The following AFAP1 variants were observed in gnomAD, a reference collection of about 807,000 sequenced individuals.
The protein encoded by AFAP1 is actin filament-associated protein 1.
In AFAP1, 75 loss-of-function variants were observed where a neutral mutation model predicts 93.9. The ratio of observed to expected loss-of-function variants is 0.80; its 90% CI spans 0.66 to 0.97. The LOEUF (loss-of-function observed/expected upper bound fraction) is 0.97. Ranked by LOEUF, AFAP1 falls within the 50% of genes least tolerant of loss-of-function variation. AFAP1 has a pLI of 0.00. For missense variants in AFAP1, 1,201 were observed against 1,050.8 expected, an observed-to-expected ratio of 1.14 and a Z score of -1.98; for synonymous variants, 517 against 430.7, an observed-to-expected ratio of 1.20 and a Z score of -2.48.
At chr4:7,853,972 G>C (rs1386055200) in intron 4 of AFAP1, among the ~76,000 whole-genome samples, 1 of 152,202 alleles carries the variant, frequency 6.6e-6, no homozygotes, top group Non-Finnish European at 1.5e-5. Context: ...TGACCTGCCA[G>C]CTACGTGCAG....
chr4:7,808,485 GTCA>G (rs2149047984), intron 9 of AFAP1, among the ~76,000 whole-genome samples: 1 of 144,600 alleles, frequency 6.9e-6, no homozygotes, highest in South Asian at 2.1e-4. Context: ...GGCTGTTGTG[GTCA>G]CCAAAAGGTA....
chr4:7,841,278 G>T (rs1712977524), intron 5 of AFAP1, among the ~76,000 whole-genome samples: 2 of 140,326 alleles, frequency 1.4e-5, no homozygotes, highest in South Asian at 2.3e-4. Context: ...CAGCTGCCCA[G>T]TGAGTCTGGG....
chr4:7,792,656 C>T (rs1022517295), intron 11 of AFAP1, among the ~76,000 whole-genome samples: 1 of 152,110 alleles, frequency 6.6e-6, no homozygotes, highest in Non-Finnish European at 1.5e-5. Flanking sequence ...CTGAGCTGTT[C>T]CTCAACAGGA....
chr4:7,845,855 G>A (rs1279157315), intron 4 of AFAP1, among the ~76,000 whole-genome samples: 1 of 149,296 alleles, frequency 6.7e-6, no homozygotes, highest in African/African-American at 2.5e-5. Context: ...TCCCCCTGCT[G>A]CCAAAGCTCT....
chr4:7,805,839 A>G (rs756441669), intron 9 of AFAP1, among the ~76,000 whole-genome samples: 28 of 152,234 alleles, frequency 1.8e-4, no homozygotes, highest in Non-Finnish European at 3.2e-4. Flanking sequence ...TGAACTGGCA[A>G]CAAAGGAGGC....
chr4:7,921,270 G>C (rs953244731), intron 1 of AFAP1, among the ~76,000 whole-genome samples: 1 of 139,272 alleles, frequency 7.2e-6, no homozygotes, highest in Non-Finnish European at 1.5e-5. Flanking sequence ...TGCAGCCTCT[G>C]CCTCCCAGGT....
At chr4:7,894,094 T>C (rs575268281) in intron 1 of AFAP1, among the ~76,000 whole-genome samples, 64 of 152,240 alleles carry the variant, frequency 4.2e-4, no homozygotes, top group African/African-American at 1.3e-3. Context: ...TTCAAAAATA[T>C]CTGAAATGAC....
chr4:7,887,195 G>C (rs73210880), intron 1 of AFAP1, among the ~76,000 whole-genome samples: 4,515 of 152,218 alleles, frequency 0.03, 105 homozygotes, highest in Non-Finnish European at 0.043. Flanking sequence ...AGAATGATAG[G>C]AACAGGAGAA....
intron 1 of AFAP1, among the ~76,000 whole-genome samples, chr4:7,925,085 C>A (rs557310029): frequency 2.6e-5 from 4 of 152,134 alleles, no homozygotes; most frequent in Non-Finnish European, 5.9e-5. Context: ...ATGCAAGTGA[C>A]GACACCGACT....
chr4:7,786,354 T>C (rs561495407), intron 11 of AFAP1, 43 bp from the exon 12 acceptor site: 2 of 1,496,646 alleles, frequency 1.3e-6, no homozygotes, highest in African/African-American at 1.4e-5. Flanking sequence ...CCTGACCACC[T>C]TTTACTCCAA....
intron 1 of AFAP1, among the ~76,000 whole-genome samples, chr4:7,881,771 A>C: frequency 7.1e-6 from 1 of 141,562 alleles, no homozygotes; most frequent in Non-Finnish European, 1.6e-5. Context: ...ACAGAGTGAG[A>C]CTCCATCTCA....
chr4:7,903,829 G>A (rs902725757), intron 1 of AFAP1, among the ~76,000 whole-genome samples: 5 of 152,154 alleles, frequency 3.3e-5, no homozygotes, highest in South Asian at 2.1e-4. Context: ...GGAGGCGGGC[G>A]GGCAGCATCA....
chr4:7,838,753 A>G (rs758900702), intron 5 of AFAP1, 50 bp from the exon 6 acceptor site: 4 of 1,589,344 alleles, frequency 2.5e-6, no homozygotes, highest in Non-Finnish European at 8.6e-7. Context: ...GTTCGAACAG[A>G]AACACTGAGG....
At chr4:7,847,325 A>C (rs1713824219) in intron 4 of AFAP1, among the ~76,000 whole-genome samples, 1 of 152,028 alleles carries the variant, frequency 6.6e-6, no homozygotes, top group Admixed American at 6.5e-5. Context: ...GTGATGGTCC[A>C]ATCAAGAGAA....
intron 6 of AFAP1, among the ~76,000 whole-genome samples, chr4:7,821,256 C>A (rs1333607303): frequency 6.6e-6 from 1 of 152,202 alleles, no homozygotes; most frequent in African/African-American, 2.4e-5. Flanking sequence ...TATGGTTAAA[C>A]TGAGACAGTG....
intron 3 of AFAP1, among the ~76,000 whole-genome samples, chr4:7,868,232 A>G (rs1182959121): frequency 6.6e-6 from 1 of 152,200 alleles, no homozygotes; most frequent in Non-Finnish European, 1.5e-5. Flanking sequence ...AAGTTTCACA[A>G]TAAGGTATTC....
chr4:7,848,133 G>GAAGGAAGGA (rs1560197099), intron 4 of AFAP1, among the ~76,000 whole-genome samples: 2 of 69,742 alleles, frequency 2.9e-5, no homozygotes, highest in African/African-American at 9.8e-5. Flanking sequence ...GGAAGGGAGT[G>GAAGGAAGGA]AGTGAGGGAG....
chr4:7,854,513 T>A (rs1560201027), intron 4 of AFAP1, among the ~76,000 whole-genome samples: 1 of 152,176 alleles, frequency 6.6e-6, no homozygotes. Context: ...TTTGGTGGAA[T>A]AGCCGCGCTC....
intron 3 of AFAP1, among the ~76,000 whole-genome samples, chr4:7,867,958 A>G (rs1042413219): frequency 3.9e-5 from 6 of 152,138 alleles, no homozygotes; most frequent in Non-Finnish European, 8.8e-5. Flanking sequence ...ACAGAAAGAG[A>G]ATTGCTACTG....
Sources: allele counts gnomAD v4.1 joint callset (sites outside exome capture counted in the v4.1 genomes callset), GRCh38; gene constraint gnomAD v4.1.1; transcripts MANE v1.5; gene names NCBI Gene and HGNC (gene_info 2026-07-23, HGNC 2026-07-21).